Variants in CKAP2 observed in about 807,000 individuals in gnomAD.
CKAP2 encodes the protein cytoskeleton-associated protein 2.
Under a neutral mutation model 58.4 loss-of-function variants are expected in CKAP2, and 46 were observed. The ratio of observed to expected loss-of-function variants is 0.79; its 90% confidence interval spans 0.62 to 1.01. The LOEUF (loss-of-function observed/expected upper bound fraction) is 1.01, where lower values mean the gene tolerates loss of function less well. Ranked by LOEUF, CKAP2 falls within the 50% of genes least tolerant of loss-of-function variation. The pLI is 0.00. For synonymous variants in CKAP2, 293 were observed against 280.9 expected (o/e 1.04, Z -0.43); for missense variants, 809 against 796.4 (o/e 1.02, Z -0.19).
intron 2 of CKAP2, among the ~76,000 whole-genome samples, chr13:52,458,862 A>G (rs1174926829): frequency 6.6e-6 from 1 of 152,132 alleles, no homozygotes; most frequent in Non-Finnish European, 1.5e-5. Flanking sequence ...TGTCTCAAAA[A>G]AAAAAAAAAG....
At chr13:52,460,078 C>T (rs1034890878) in intron 2 of CKAP2, among the ~76,000 whole-genome samples, 4 of 151,990 alleles carry the variant, frequency 2.6e-5, no homozygotes, top group Non-Finnish European at 5.9e-5. Context: ...AGGCTGCTCT[C>T]GAACTCCTGA....
At chr13:52,468,879 T>G (rs985307625) in intron 7 of CKAP2, among the ~76,000 whole-genome samples, 1 of 152,228 alleles carries the variant, frequency 6.6e-6, no homozygotes, top group Non-Finnish European at 1.5e-5. Flanking sequence ...TTATATTCCT[T>G]TGGGTATATA....
chr13:52,463,459 A>G (rs1350124133), intron 5 of CKAP2, among the ~76,000 whole-genome samples: 2 of 151,994 alleles, frequency 1.3e-5, no homozygotes, highest in African/African-American at 2.4e-5. Context: ...ATTTATTCAC[A>G]CATAATTAAT....
Position 52,455,603 on chromosome 13 carries a change from A to G in CKAP2, c.47A>G (p.Gln16Arg). 3 of 1,611,722 alleles carry G rather than the reference A, an allele frequency of 1.9e-6. No homozygotes were observed. The highest frequency in any genetic ancestry group is 2.2e-5 in the South Asian group (2 of 91,042). ...VPQDLQLPPSQRAQSAFKEQR... is the reference protein window; with the variant it reads ...VPQDLQLPPSRRAQSAFKEQR... ...CAGGACCTGCAGCTGCCCCCGAGTCAGAGGGCGCAGTCCGCATTCAAAGGT... is the reference window on the plus strand; with the variant it reads ...CAGGACCTGCAGCTGCCCCCGAGTCGGAGGGCGCAGTCCGCATTCAAAGGT... Residue 16 changes from glutamine (Q) to arginine (R), a missense_variant, in exon 1 of 9, where the codon CAG (glutamine) becomes CGG (arginine). By Grantham distance (43) the Gln-to-Arg change is conservative. This residue lies in a region of CKAP2 where 523 missense variants were observed against 492.4 expected (regional missense o/e 1.06). Transcript: ENST00000258607.
rs775218069 is a variant in CKAP2 at position 52,474,033 on chromosome 13, G to A, written c.1751G>A (p.Arg584Lys). 6.2e-7 allele frequency: 1 copy of A among 1,613,814 alleles called. No individual in the cohort carries two copies. Among genetic ancestry groups the A allele is most frequent in the Non-Finnish European group, 8.5e-7 (1 of 1,179,816 alleles). ...HDVKTPNTET[R>K]TSCLIKYNVS... ...GTTAAAACCCCCAATACAGAAACGAGGACAAGTTGCTTAATTAAATATAAT... is the reference window on the plus strand; with the variant it reads ...GTTAAAACCCCCAATACAGAAACGAAGACAAGTTGCTTAATTAAATATAAT... The change falls in exon 8 of 9, where the codon AGG becomes AAG. Residue 584 changes from arginine (R) to lysine (K), a missense_variant. Coordinates refer to ENST00000258607, the MANE Select transcript of CKAP2 (RefSeq NM_018204.5).
At chr13:52,462,024 C>G in intron 4 of CKAP2, 98 bp downstream of exon 4, 2 of 1,181,758 alleles carry the variant, frequency 1.7e-6, no homozygotes, top group South Asian at 3.7e-5. Flanking sequence ...AATTTTCTTT[C>G]ATGGTTTCTC....
intron 6 of CKAP2, among the ~76,000 whole-genome samples, chr13:52,466,534 A>C (rs1227954650): frequency 1.3e-5 from 2 of 152,212 alleles, no homozygotes; most frequent in Non-Finnish European, 2.9e-5. Flanking sequence ...CCCCTACTAC[A>C]TTGTATCAGA....
rs144681821 is a variant in CKAP2, at chr13:52,458,254, A to G, written c.155+1647A>G. On this transcript the variant is annotated intron_variant, in intron 2 of 8. Transcript: ENST00000258607. ...GGGAATTAGGAGTTCTGTTTTGACT[A>G]TGTTTGAGGTACCAACCAGACATCC... Among the ~76,000 whole-genome samples the G allele has an allele frequency of 2.5e-3, 387 of 152,246 alleles. 4 individuals carry two copies. The highest frequency in any genetic ancestry group is 4.6e-3 in the African/African-American group (190 of 41,542).
At chr13:52,459,330 T>G (rs1443866549) in intron 2 of CKAP2, among the ~76,000 whole-genome samples, 1 of 152,064 alleles carries the variant, frequency 6.6e-6, no homozygotes, top group Non-Finnish European at 1.5e-5. Context: ...TTTGTTTTGT[T>G]TTGTTTTTTT....
At chr13:52,474,619 T>C (rs938638755) in intron 8 of CKAP2, among the ~76,000 whole-genome samples, 1 of 152,256 alleles carries the variant, frequency 6.6e-6, no homozygotes. Context: ...TTGAATTTAC[T>C]TTAATCTGTG....
chr13:52,462,813 G>T lies in CKAP2; in HGVS notation c.1305+246G>T, dbSNP rs114795465. 6.7e-3 allele frequency among the ~76,000 whole-genome samples: 1,020 copies of T among 152,244 alleles called. 5 individuals are homozygous for T. Among genetic ancestry groups the T allele is most frequent in the South Asian group, 0.015 (70 of 4,824 alleles). Reference sequence around the variant, plus strand: ...GCATTGAGTTCATATAAATATACAGGTTGAGTATCCCTTATCCAAAATGCT... The same window carrying T: ...GCATTGAGTTCATATAAATATACAGTTTGAGTATCCCTTATCCAAAATGCT... On this transcript the variant is annotated intron_variant, in intron 5 of 8. Coordinates refer to ENST00000258607, the MANE Select transcript of CKAP2 (RefSeq NM_018204.5).
intron 1 of CKAP2, chr13:52,456,303 A>G: frequency 2.8e-6 from 2 of 715,284 alleles, no homozygotes; most frequent in South Asian, 4.2e-5. Flanking sequence ...AGAGAATGTG[A>G]TTCTTATGCA....
intron 7 of CKAP2, among the ~76,000 whole-genome samples, chr13:52,471,449 A>C (rs1457527304): frequency 6.6e-6 from 1 of 152,180 alleles, no homozygotes; most frequent in Admixed American, 6.5e-5. Context: ...CAATTTCACA[A>C]ATCAGTTATT....
chr13:52,465,839 T>G, intron 6 of CKAP2: 1 of 392,202 alleles, frequency 2.5e-6, no homozygotes, highest in Non-Finnish European at 5.0e-6. Flanking sequence ...GCTTTTTAAA[T>G]GTTATCAAGC....
In CKAP2 at chr13:52,464,512, C is replaced by T. The variant is rs1958632931; in HGVS notation, c.1306-783C>T. Among the ~76,000 whole-genome samples the T allele has an allele frequency of 2.7e-5, 4 of 147,476 alleles. No individual in the cohort carries two copies. In the South Asian group the frequency reaches 6.5e-4, roughly 24 times the overall value. On this transcript the variant is annotated intron_variant, in intron 5 of 8. Transcript: ENST00000258607. ...AGGTTGCAGTGAGCCGAGATTGTGCCGTTGCACTCCAGCCTGGGCAACAAG... is the reference window on the plus strand; with the variant it reads ...AGGTTGCAGTGAGCCGAGATTGTGCTGTTGCACTCCAGCCTGGGCAACAAG...
At chr13:52,465,224 T>C in intron 5 of CKAP2, 71 bp from the exon 6 acceptor site, 1 of 1,301,186 alleles carries the variant, frequency 7.7e-7, no homozygotes, top group Non-Finnish European at 1.1e-6. Context: ...ATCTTGACTA[T>C]AGTAGGCTCA....
chr13:52,461,808 T>G lies in CKAP2; in HGVS notation c.982T>G (p.Leu328Val), dbSNP rs1958588446. Reference sequence around the variant, plus strand: ...TGAAGTTATAGCCAGGCCTGCTTCATTGTCTAATGATAAACTGATGGAAAA... The same window carrying G: ...TGAAGTTATAGCCAGGCCTGCTTCAGTGTCTAATGATAAACTGATGGAAAA... ...ASEVIARPAS[L>V]SNDKLMEKSE... The change falls in exon 4 of 9, where the codon TTG becomes GTG. Residue 328 changes from leucine to valine, a missense_variant. By Grantham distance (32) the Leu-to-Val change is conservative. Around this residue, in one of 3 missense-constraint regions of CKAP2, gnomAD observed 523 missense variants for 492.4 expected, o/e 1.06. Transcript: ENST00000258607. The G allele has an allele frequency of 1.2e-6, 2 of 1,614,106 alleles. No homozygotes were observed. Among genetic ancestry groups the G allele is most frequent in the Non-Finnish European group, 1.7e-6 (2 of 1,179,962 alleles).
In CKAP2 at chr13:52,461,640, A is replaced by G. The variant is rs143204885; in HGVS notation, c.814A>G (p.Ser272Gly). 1.1e-5 allele frequency: 18 copies of G among 1,614,056 alleles called. No individual in the cohort carries two copies. The highest frequency in any genetic ancestry group is 6.7e-5 in the African/African-American group (5 of 74,940). ...NTRDTVKQGI[S>G]RTSANVTIRK... Reference sequence around the variant, plus strand: ...CCGGGACACTGTGAAACAAGGCATCAGTAGAACTTCTGCCAATGTTACAAT... The same window carrying G: ...CCGGGACACTGTGAAACAAGGCATCGGTAGAACTTCTGCCAATGTTACAAT... The change falls in exon 4 of 9, where the codon AGT becomes GGT. Residue 272 changes from serine to glycine, a missense_variant. Transcript: ENST00000258607.
intron 7 of CKAP2, 102 bp from the exon 8 acceptor site, chr13:52,473,727 T>TGAACCA: frequency 1.8e-6 from 2 of 1,082,714 alleles, no homozygotes; most frequent in South Asian, 3.2e-5. Flanking sequence ...AATCGTGTTC[T>TGAACCA]TTTATTTTGA....
Sources: gnomAD v4.1 joint callset for allele counts (sites outside exome capture counted in the v4.1 genomes callset) on GRCh38, gnomAD v4.1.1 for gene constraint, gnomAD v4.1.1 regional missense constraint, MANE v1.5 for transcripts, NCBI Gene and HGNC (gene_info 2026-07-23, HGNC 2026-07-21) for gene names.